CRKL: variants seen among roughly 807,000 people sequenced by gnomAD.
CRKL encodes the protein CRK like proto-oncogene, adaptor protein, also known as crk-like protein.
A neutral mutation model predicts 23.0 loss-of-function variants in CRKL; 3 were observed. The observed-to-expected ratio is 0.13, with a 90% CI of 0.06 to 0.34. CRKL has a LOEUF of 0.34. Ranked by LOEUF, CRKL falls within the 10% of genes least tolerant of loss-of-function variation. The pLI is 1.00. For missense variants in CRKL, 256 were observed against 394.5 expected (o/e 0.65, Z 2.97); for synonymous variants, 188 against 160.7 (o/e 1.17, Z -1.28).
At chr22:20,922,925 G>A (rs1921044526) in intron 1 of CRKL, among the ~76,000 whole-genome samples, 1 of 151,824 alleles carries the variant, frequency 6.6e-6, no homozygotes, top group Non-Finnish European at 1.5e-5. Flanking sequence ...CACCTGCCTG[G>A]GCCTCCCAAA....
chr22:20,932,496 G>T (rs1157262610), intron 1 of CRKL, among the ~76,000 whole-genome samples: 1 of 152,094 alleles, frequency 6.6e-6, no homozygotes, highest in Non-Finnish European at 1.5e-5. Flanking sequence ...TGTGTGTCCA[G>T]GGAAGTGTGC....
rs546394355 is a variant in CRKL at position 20,921,384 on chromosome 22, ATAACCCAGTG to A, written c.311+3152_311+3161del. On this transcript the variant is annotated intron_variant, in intron 1 of 2. Transcript: ENST00000354336. ...TTATTCAAATGTTTATAAGAGAATT[ATAACCCAGTG>A]TAACCCAGTGTAGGTACTGGGAAAG... Among the ~76,000 whole-genome samples, 26 of 152,362 alleles carry A rather than the reference ATAACCCAGTG, an allele frequency of 1.7e-4. No homozygotes were observed. In the South Asian group the frequency reaches 5.0e-3, roughly 29 times the overall value.
rs1922319514 is a variant in CRKL at position 20,952,621 on chromosome 22, A to G, written c.*2776A>G. ...GTCTGGGAAGACTGTTGTGCTCCAT[A>G]GAGCAGTGCACATCTGACCCAGAGG... On this transcript the variant is annotated 3_prime_UTR_variant, in exon 3 of 3. Transcript: ENST00000354336. 1 of 232,646 alleles carries G rather than the reference A, an allele frequency of 4.3e-6. No homozygotes were observed. The highest frequency in any genetic ancestry group is 8.5e-6 in the Non-Finnish European group (1 of 117,648). The allele number at this position is 232,646 out of a possible 1,614,324, so 14.4% of individuals were successfully genotyped here.
intron 1 of CRKL, among the ~76,000 whole-genome samples, chr22:20,931,293 G>C (rs989447755): frequency 3.3e-5 from 5 of 152,158 alleles, no homozygotes; most frequent in Admixed American, 3.3e-4. Context: ...TGTAGTCCCA[G>C]CTACTCAGGA....
chr22:20,944,023 T>C lies in CRKL; in HGVS notation c.778-5688T>C, dbSNP rs77777244. Reference sequence around the variant, plus strand: ...TCAAGGTTGTTTTGGCTATTCAGGTTCCTCGCAATTCTATATGAATTTGAG... The same window carrying C: ...TCAAGGTTGTTTTGGCTATTCAGGTCCCTCGCAATTCTATATGAATTTGAG... On this transcript the variant is annotated intron_variant, in intron 2 of 2. Coordinates refer to ENST00000354336, the MANE Select transcript of CRKL (RefSeq NM_005207.4). Among the ~76,000 whole-genome samples, 1,009 of 152,158 alleles carry C rather than the reference T, an allele frequency of 6.6e-3. 8 individuals are homozygous for C. Among genetic ancestry groups the C allele is most frequent in the African/African-American group, 0.024 (976 of 41,484 alleles).
chr22:20,926,619 G>A (rs1385759474), intron 1 of CRKL, among the ~76,000 whole-genome samples: 1 of 152,132 alleles, frequency 6.6e-6, no homozygotes, highest in Non-Finnish European at 1.5e-5. Context: ...GGTAAGGGCT[G>A]AATACATATA....
intron 2 of CRKL, among the ~76,000 whole-genome samples, chr22:20,945,842 A>C (rs1381675954): frequency 6.6e-6 from 1 of 152,158 alleles, no homozygotes; most frequent in African/African-American, 2.4e-5. Flanking sequence ...GCCTACACAT[A>C]GATGTTCAAT....
At chr22:20,928,595 T>C (rs996486947) in intron 1 of CRKL, among the ~76,000 whole-genome samples, 1 of 152,084 alleles carries the variant, frequency 6.6e-6, no homozygotes, top group African/African-American at 2.4e-5. Context: ...GGAAGATTGC[T>C]TGAGCTCAGG....
Position 20,953,088 on chromosome 22 carries a change from A to G in CRKL, c.*3243A>G, listed in dbSNP as rs1922336855. On this transcript the variant is annotated 3_prime_UTR_variant, in exon 3 of 3. Transcript: ENST00000354336. Reference sequence around the variant, plus strand: ...GTGATGTTTGCTCAGAGGAATATGAACATTTTATTTTTGAAAAGGGATGAT... The same window carrying G: ...GTGATGTTTGCTCAGAGGAATATGAGCATTTTATTTTTGAAAAGGGATGAT... 1 of 232,330 alleles carries G rather than the reference A, an allele frequency of 4.3e-6. No individual in the cohort carries two copies. Among genetic ancestry groups the G allele is most frequent in the African/African-American group, 2.2e-5 (1 of 45,370 alleles). 14.4% of individuals were successfully genotyped at this position (232,330 alleles called of 1,614,324 possible).
rs532930393 is a variant in CRKL, at chr22:20,927,192, A to ATTTTTTT, written c.312-6575_312-6569dup. ...AGTACTTAGCTCATCTTGGAATTGA[A>ATTTTTTT]TTTTTTTTTTTTTTTTTTGAGACAG... On this transcript the variant is annotated intron_variant, in intron 1 of 2. Transcript: ENST00000354336. Among the ~76,000 whole-genome samples the ATTTTTTT allele has an allele frequency of 6.4e-3, 528 of 81,918 alleles. 34 individuals carry two copies. Among genetic ancestry groups the ATTTTTTT allele is most frequent in the Middle Eastern group, 0.011 (1 of 90 alleles). 53.7% of individuals were successfully genotyped at this position (81,918 alleles called of 152,430 possible). A position where few individuals can be genotyped will look rare whatever the true frequency, so the allele number is the denominator to read the frequency against.
At chr22:20,945,231 G>A (rs1470411312) in intron 2 of CRKL, among the ~76,000 whole-genome samples, 1 of 151,538 alleles carries the variant, frequency 6.6e-6, no homozygotes, top group Non-Finnish European at 1.5e-5. Context: ...CTGACCTCCT[G>A]ATCTGCCTGC....
chr22:20,933,760 A>G lies in CRKL; in HGVS notation c.312-19A>G. The G allele has an allele frequency of 1.9e-6, 3 of 1,580,678 alleles. No individual in the cohort carries two copies. Among genetic ancestry groups the G allele is most frequent in the Non-Finnish European group, 2.6e-6 (3 of 1,161,386 alleles). ...AGAGTAAGATTTTTCTCTTAGAGTAATTTTCTTTCTCTCTTAAGGTATCCA... is the reference window on the plus strand; with the variant it reads ...AGAGTAAGATTTTTCTCTTAGAGTAGTTTTCTTTCTCTCTTAAGGTATCCA... On this transcript the variant is annotated intron_variant, in intron 1 of 2. Transcript: ENST00000354336.
intron 1 of CRKL, among the ~76,000 whole-genome samples, chr22:20,931,931 C>A (rs1921469854): frequency 1.3e-5 from 2 of 152,166 alleles, no homozygotes; most frequent in Non-Finnish European, 2.9e-5. Context: ...CCTGCCTCAG[C>A]CTCCTGAGTA....
Position 20,918,125 on chromosome 22 carries a change from A to C in CRKL, c.191A>C (p.Asn64Thr), listed in dbSNP as rs766496631. The C allele has an allele frequency of 2.5e-6, 4 of 1,613,788 alleles. No homozygotes were observed. The East Asian group carries it at 8.9e-5, about 36-fold the overall frequency. Residue 64 changes from asparagine to threonine, a missense_variant, in exon 1 of 3, where the codon AAC (asparagine) becomes ACC (threonine). Around this residue, in one of 3 missense-constraint regions of CRKL, gnomAD observed 85 missense variants for 139.8 expected, o/e 0.61. Transcript: ENST00000354336. The stretch of plus-strand genomic sequence containing the variant: ...TCGCGGGTCTCCCACTACATCATCA[A>C]CTCGCTGCCCAACCGCCGTTTTAAG... ...ENSRVSHYII[N>T]SLPNRRFKIG...
chr22:20,945,498 C>T (rs1922027340), intron 2 of CRKL, among the ~76,000 whole-genome samples: 1 of 152,134 alleles, frequency 6.6e-6, no homozygotes, highest in Non-Finnish European at 1.5e-5. Context: ...CCCTACCTTT[C>T]CCAAATAAAA....
chr22:20,937,505 G>A (rs369528684), intron 2 of CRKL, among the ~76,000 whole-genome samples: 128 of 149,388 alleles, frequency 8.6e-4, no homozygotes, highest in African/African-American at 2.8e-3. Flanking sequence ...GCGAGTACTA[G>A]GAGGTTGTAG....
At chr22:20,934,841 T>C (rs1249751491) in intron 2 of CRKL, among the ~76,000 whole-genome samples, 2 of 124,922 alleles carry the variant, frequency 1.6e-5, no homozygotes, top group African/African-American at 6.4e-5. Flanking sequence ...TGAGATGGAG[T>C]CTCACTCTGT....
intron 1 of CRKL, among the ~76,000 whole-genome samples, chr22:20,920,831 C>G (rs1047562332): frequency 2.0e-5 from 3 of 152,174 alleles, no homozygotes; most frequent in Admixed American, 2.0e-4. Flanking sequence ...TTCCAGTCCC[C>G]TCACAGATTA....
chr22:20,917,452 C>T lies in CRKL; in HGVS notation c.-483C>T. The T allele has an allele frequency of 4.3e-6, 1 of 230,028 alleles. No homozygotes were observed. Among genetic ancestry groups the T allele is most frequent in the Admixed American group, 5.7e-5 (1 of 17,664 alleles). 14.2% of individuals were successfully genotyped at this position (230,028 alleles called of 1,614,324 possible). ...GGAGGGGGAGGTGGCTGCCGCTTCTCCCGCGTCCGCCATTTTGTTGCTGTG... is the reference window on the plus strand; with the variant it reads ...GGAGGGGGAGGTGGCTGCCGCTTCTTCCGCGTCCGCCATTTTGTTGCTGTG... On this transcript the variant is annotated 5_prime_UTR_variant, in exon 1 of 3. Transcript: ENST00000354336.
Sources: allele counts gnomAD v4.1 joint callset (sites outside exome capture counted in the v4.1 genomes callset), GRCh38; gene constraint gnomAD v4.1.1; regional missense constraint gnomAD v4.1.1; transcripts MANE v1.5; gene names NCBI Gene and HGNC (gene_info 2026-07-23, HGNC 2026-07-21).